ULK4: variants seen among roughly 807,000 people sequenced by gnomAD.
ULK4 encodes the protein unc-51 like kinase 4, also known as inactive serine/threonine-protein kinase ULK4.
In ULK4, 133 loss-of-function variants were observed where a neutral mutation model predicts 160.6. The observed-to-expected ratio is 0.83, with a 90% CI of 0.72 to 0.96. The LOEUF is 0.96. Ranked by LOEUF, ULK4 falls within the 40% of genes least tolerant of loss-of-function variation. The pLI is 0.00. For synonymous variants in ULK4, 534 were observed against 539.8 expected (o/e 0.99, Z 0.15); for missense variants, 1,580 against 1,499.5 (o/e 1.05, Z -0.89).
chr3:41,439,141 G>C (rs35684475), intron 34 of ULK4, among the ~76,000 whole-genome samples: 40,231 of 152,112 alleles, frequency 0.26, 5,567 homozygotes, highest in East Asian at 0.57. Context: ...TGGGCCTCCT[G>C]CTAATAAATG....
chr3:41,361,949 G>A (rs1255380655), intron 35 of ULK4, among the ~76,000 whole-genome samples: 1 of 152,100 alleles, frequency 6.6e-6, no homozygotes, highest in Admixed American at 6.6e-5. Flanking sequence ...ATATCATGTG[G>A]GTCACTGTAT....
intron 32 of ULK4, among the ~76,000 whole-genome samples, chr3:41,503,204 T>C (rs1055458493): frequency 9.2e-5 from 14 of 152,242 alleles, no homozygotes; most frequent in Non-Finnish European, 2.1e-4. Flanking sequence ...TAGATGTCAA[T>C]TAACTTCAAC....
At chr3:41,640,770 A>G (rs937062445) in intron 30 of ULK4, among the ~76,000 whole-genome samples, 2 of 152,230 alleles carry the variant, frequency 1.3e-5, no homozygotes, top group African/African-American at 4.8e-5. Flanking sequence ...CAAAAAGAAA[A>G]TGGAAGAATA....
chr3:41,436,863 T>C (rs2083048468), intron 34 of ULK4, among the ~76,000 whole-genome samples: 1 of 152,136 alleles, frequency 6.6e-6, no homozygotes, highest in Non-Finnish European at 1.5e-5. Flanking sequence ...ATGCCACAAG[T>C]AATATTTATG....
chr3:41,888,999 C>T (rs1347744594), intron 16 of ULK4, among the ~76,000 whole-genome samples: 3 of 152,150 alleles, frequency 2.0e-5, no homozygotes, highest in Non-Finnish European at 2.9e-5. Context: ...AACTTCTATA[C>T]CAATCAATTT....
chr3:41,800,229 G>T lies in ULK4; in HGVS notation c.1913C>A (p.Ala638Asp), dbSNP rs759292697. ...IIENVCTTFS[A>D]QSQGFITGEI... ...TCCTGTAATAAAGCCCTGGGACTGAGCAGAAAAGGTGGTACAGACATTTTC... is the reference window on the plus strand; with the variant it reads ...TCCTGTAATAAAGCCCTGGGACTGATCAGAAAAGGTGGTACAGACATTTTC... The change falls in exon 20 of 37, where the codon GCT becomes GAT. Residue 638 changes from alanine (A) to aspartate (D), a missense_variant. Coordinates refer to ENST00000301831, the MANE Select transcript of ULK4 (RefSeq NM_017886.4). The T allele has an allele frequency of 6.2e-7, 1 of 1,613,542 alleles. No homozygotes were observed. The highest frequency in any genetic ancestry group is 1.7e-5 in the Admixed American group (1 of 59,930).
intron 4 of ULK4, 54 bp from the exon 5 acceptor site, chr3:41,932,060 A>T: frequency 6.6e-7 from 1 of 1,510,066 alleles, no homozygotes; most frequent in Non-Finnish European, 9.0e-7. Flanking sequence ...ATTTGTACAT[A>T]TATCAGTACC....
intron 8 of ULK4, chr3:41,915,317 G>T (rs1698928881): frequency 6.6e-6 from 1 of 152,072 alleles, no homozygotes. Flanking sequence ...TCTTGTATAT[G>T]CTACACTAAA....
intron 35 of ULK4, among the ~76,000 whole-genome samples, chr3:41,307,738 G>A (rs1479963515): frequency 6.6e-6 from 1 of 152,170 alleles, no homozygotes. Flanking sequence ...GCTGATTCAG[G>A]AGGACTGCTT....
chr3:41,603,908 A>C (rs2032241331), intron 31 of ULK4, among the ~76,000 whole-genome samples: 1 of 152,160 alleles, frequency 6.6e-6, no homozygotes, highest in Non-Finnish European at 1.5e-5. Context: ...CTACATTAAA[A>C]ATAATACTTC....
chr3:41,853,284 C>T (rs2042259340), intron 17 of ULK4, among the ~76,000 whole-genome samples: 2 of 152,132 alleles, frequency 1.3e-5, no homozygotes, highest in African/African-American at 4.8e-5. Context: ...TTGAGAACTG[C>T]TACTGTGGTA....
intron 27 of ULK4, among the ~76,000 whole-genome samples, chr3:41,687,288 A>C (rs2036134920): frequency 6.6e-6 from 1 of 151,268 alleles, no homozygotes; most frequent in African/African-American, 2.4e-5. Context: ...CAGGAGAATC[A>C]CTTGAACCCA....
At chr3:41,554,692 G>C (rs2087220156) in intron 32 of ULK4, among the ~76,000 whole-genome samples, 1 of 152,056 alleles carries the variant, frequency 6.6e-6, no homozygotes, top group African/African-American at 2.4e-5. Context: ...GTATTTCAAA[G>C]TAGGTAAAAT....
chr3:41,697,382 T>C (rs987024938), intron 27 of ULK4, among the ~76,000 whole-genome samples: 4 of 150,648 alleles, frequency 2.7e-5, no homozygotes, highest in African/African-American at 1.0e-4. Flanking sequence ...TGTCTTCATT[T>C]TTAACAAAAA....
intron 35 of ULK4, among the ~76,000 whole-genome samples, chr3:41,392,905 T>G (rs921179643): frequency 5.3e-5 from 8 of 152,054 alleles, no homozygotes; most frequent in African/African-American, 9.7e-5. Flanking sequence ...AGCCTGAGAG[T>G]TGGGTCTCCC....
At chr3:41,531,200 T>C (rs2086298453) in intron 32 of ULK4, among the ~76,000 whole-genome samples, 1 of 150,368 alleles carries the variant, frequency 6.7e-6, no homozygotes, top group Non-Finnish European at 1.5e-5. Context: ...CCCAGCACTT[T>C]AGGAGGCCGA....
At chr3:41,817,002 T>G (rs1216354868) in intron 19 of ULK4, among the ~76,000 whole-genome samples, 3 of 151,988 alleles carry the variant, frequency 2.0e-5, no homozygotes, top group Non-Finnish European at 4.4e-5. Context: ...TCAACTGATG[T>G]GACAGAGGTG....
At chr3:41,506,767 A>AAAAAAAAAAAAAAAAAAAAATAAATATAT in intron 32 of ULK4, among the ~76,000 whole-genome samples, 7 of 56,792 alleles carry the variant, frequency 1.2e-4, no homozygotes, top group Admixed American at 4.3e-4. Flanking sequence ...TGTGATTTAA[A>AAAAAAAAAAAAAAAAAAAAATAAATATAT]ATATATATAT....
chr3:41,358,920 G>T (rs986652197), intron 35 of ULK4, among the ~76,000 whole-genome samples: 1 of 152,170 alleles, frequency 6.6e-6, no homozygotes, highest in South Asian at 2.1e-4. Context: ...ACCATGTGTG[G>T]GGTGACGGAT....
Sources: gnomAD v4.1 joint callset for allele counts (sites outside exome capture counted in the v4.1 genomes callset) on GRCh38, gnomAD v4.1.1 for gene constraint, MANE v1.5 for transcripts, NCBI Gene and HGNC (gene_info 2026-07-23, HGNC 2026-07-21) for gene names.